Variants in CFDP1 observed in about 807,000 individuals in gnomAD.
CFDP1 encodes the protein heterochromatin-stabilizing protein CFDP1.
Under a neutral mutation model 40.1 loss-of-function variants are expected in CFDP1, and 31 were observed. That is an observed-to-expected ratio of 0.77 (90% CI 0.58 to 1.04). CFDP1 has a LOEUF of 1.04. Ranked by LOEUF, CFDP1 falls within the 50% of genes least tolerant of loss-of-function variation. The pLI is 0.00. For synonymous variants in CFDP1, 167 were observed against 120.0 expected (o/e 1.39, Z -2.56); for missense variants, 423 against 343.4 (o/e 1.23, Z -1.83).
intron 5 of CFDP1, among the ~76,000 whole-genome samples, chr16:75,383,619 G>A (rs1296977580): frequency 6.6e-6 from 1 of 152,000 alleles, no homozygotes; most frequent in Non-Finnish European, 1.5e-5. Flanking sequence ...AAGTGATCGA[G>A]ACCATCCTTG....
chr16:75,426,035 CAAAAAAAAAAAAAAAAA>C (rs71134711), intron 1 of CFDP1, among the ~76,000 whole-genome samples: 30 of 34,480 alleles, frequency 8.7e-4, no homozygotes, highest in South Asian at 1.9e-3. Context: ...CACTCTGTCT[CAAAAAAAAAAAAAAAAA>C]AAAAAAAAAA....
intron 5 of CFDP1, among the ~76,000 whole-genome samples, chr16:75,321,304 C>T (rs183769363): frequency 3.9e-5 from 6 of 152,200 alleles, no homozygotes; most frequent in African/African-American, 1.4e-4. Flanking sequence ...GAGATGTAAT[C>T]CACATTCTAA....
At chr16:75,368,955 A>G (rs1403088146) in intron 5 of CFDP1, among the ~76,000 whole-genome samples, 1 of 152,138 alleles carries the variant, frequency 6.6e-6, no homozygotes, top group Non-Finnish European at 1.5e-5. Context: ...ACATTTTTCA[A>G]TAACTTAAAG....
At chr16:75,325,855 G>C (rs370117476) in intron 5 of CFDP1, among the ~76,000 whole-genome samples, 2 of 152,330 alleles carry the variant, frequency 1.3e-5, no homozygotes, top group South Asian at 2.1e-4. Context: ...AAGTACTTCA[G>C]AGCAAGCACA....
intron 5 of CFDP1, among the ~76,000 whole-genome samples, chr16:75,378,319 A>C (rs377602726): frequency 2.0e-5 from 3 of 152,214 alleles, no homozygotes; most frequent in East Asian, 3.9e-4. Flanking sequence ...TTAAGCTGAA[A>C]TAAAATGTCA....
At chr16:75,341,893 C>T (rs2078529858) in intron 5 of CFDP1, among the ~76,000 whole-genome samples, 2 of 152,276 alleles carry the variant, frequency 1.3e-5, no homozygotes, top group South Asian at 2.1e-4. Flanking sequence ...ATCAAAAGAC[C>T]TAGGTCTTTC....
At chr16:75,429,745 G>C (rs1363265048) in intron 1 of CFDP1, among the ~76,000 whole-genome samples, 1 of 152,228 alleles carries the variant, frequency 6.6e-6, no homozygotes, top group Non-Finnish European at 1.5e-5. Context: ...GAAGATTAAA[G>C]TGAAAATCTA....
intron 5 of CFDP1, among the ~76,000 whole-genome samples, chr16:75,383,773 C>A (rs562492151): frequency 7.0e-6 from 1 of 142,440 alleles, no homozygotes; most frequent in South Asian, 2.2e-4. Flanking sequence ...AAGCCGAGAT[C>A]GTGCCACTGC....
At chr16:75,363,790 TAGG>T (rs2078695523) in intron 5 of CFDP1, among the ~76,000 whole-genome samples, 1 of 152,200 alleles carries the variant, frequency 6.6e-6, no homozygotes, top group South Asian at 2.1e-4. Flanking sequence ...AGGAAATTGA[TAGG>T]AGTTTCCCAA....
Position 75,395,220 on chromosome 16 carries a change from G to A in CFDP1, c.531-11C>T, listed in dbSNP as rs770780955. On this transcript the variant is annotated splice_polypyrimidine_tract_variant and intron_variant, in intron 4 of 6. Transcript: ENST00000283882. Reference sequence around the variant, plus strand: ...ACTTCCTTAGTTACCCTGTGCCAAGGAAAAAGACATCAAGCTTACAAGAAG... The same window carrying A: ...ACTTCCTTAGTTACCCTGTGCCAAGAAAAAAGACATCAAGCTTACAAGAAG... The A allele has an allele frequency of 1.9e-6, 3 of 1,610,490 alleles. No homozygotes were observed. The highest frequency in any genetic ancestry group is 1.3e-5 in the African/African-American group (1 of 74,634).
intron 5 of CFDP1, among the ~76,000 whole-genome samples, chr16:75,368,347 G>C (rs891474310): frequency 6.6e-6 from 1 of 152,102 alleles, no homozygotes; most frequent in African/African-American, 2.4e-5. Flanking sequence ...TTAAAGTTTT[G>C]CTTCAAAATA....
rs182588197 is a variant in CFDP1, at chr16:75,386,503, T to C, written c.650+8587A>G. On this transcript the variant is annotated intron_variant, in intron 5 of 6. Coordinates refer to ENST00000283882, the MANE Select transcript of CFDP1 (RefSeq NM_006324.3). ...ACTTTGGGAGGCCCAGGCAGGTGGA[T>C]TGCTTGAGGTCAGGAGTTTGAGACC... Among the ~76,000 whole-genome samples, 507 of 152,312 alleles carry C rather than the reference T, an allele frequency of 3.3e-3. 2 individuals carry two copies. Among genetic ancestry groups the C allele is most frequent in the African/African-American group, 0.011 (468 of 41,578 alleles).
chr16:75,365,761 A>G (rs1192620126), intron 5 of CFDP1, among the ~76,000 whole-genome samples: 3 of 152,342 alleles, frequency 2.0e-5, no homozygotes, highest in African/African-American at 7.2e-5. Context: ...AATTCATCAG[A>G]GAAGATATAC....
intron 5 of CFDP1, among the ~76,000 whole-genome samples, chr16:75,329,060 G>T (rs12935491): frequency 0.17 from 26,252 of 151,872 alleles, 2,435 homozygotes; most frequent in Middle Eastern, 0.24. Flanking sequence ...TGTTGGTCAG[G>T]CTGGTCTCGA....
intron 5 of CFDP1, chr16:75,381,238 A>T (rs1163894403): frequency 6.6e-6 from 1 of 152,194 alleles, no homozygotes; most frequent in Non-Finnish European, 1.5e-5. Flanking sequence ...CCAACATGGG[A>T]GGAATGCCTG....
At chr16:75,429,490 C>A (rs375091717) in intron 1 of CFDP1, among the ~76,000 whole-genome samples, 3 of 152,220 alleles carry the variant, frequency 2.0e-5, no homozygotes, top group East Asian at 1.9e-4. Context: ...CCCGTCTCTA[C>A]TAAAAATACA....
intron 6 of CFDP1, among the ~76,000 whole-genome samples, chr16:75,296,954 C>T (rs940340441): frequency 2.6e-5 from 4 of 152,168 alleles, no homozygotes; most frequent in East Asian, 1.9e-4. Context: ...GTAGCTCTGA[C>T]ATTTAGTTTT....
At chr16:75,425,045 T>C (rs1447542791) in intron 1 of CFDP1, among the ~76,000 whole-genome samples, 1 of 151,816 alleles carries the variant, frequency 6.6e-6, no homozygotes, top group African/African-American at 2.4e-5. Context: ...CATATACTAG[T>C]TACAAACAAT....
In CFDP1 at chr16:75,396,793, T is replaced by C. The variant is rs187438442; in HGVS notation, c.531-1584A>G. On this transcript the variant is annotated intron_variant, in intron 4 of 6. Coordinates refer to ENST00000283882, the MANE Select transcript of CFDP1 (RefSeq NM_006324.3). ...GAGAGAAAGAGAAATGTTTAATCCC[T>C]GCCCAGGCTTTCCAGGTTAACAAAA... Among the ~76,000 whole-genome samples, 193 of 151,524 alleles carry C rather than the reference T, an allele frequency of 1.3e-3. 4 individuals carry two copies. The East Asian group carries it at 0.026, about 21-fold the overall frequency.
Sources: gnomAD v4.1 joint callset for allele counts (sites outside exome capture counted in the v4.1 genomes callset) on GRCh38, gnomAD v4.1.1 for gene constraint, MANE v1.5 for transcripts, NCBI Gene and HGNC (gene_info 2026-07-23, HGNC 2026-07-21) for gene names.